LRRFIP2: variants seen among roughly 807,000 people sequenced by gnomAD.
LRRFIP2 encodes leucine-rich repeat flightless-interacting protein 2.
Under a neutral mutation model 125.9 loss-of-function variants are expected in LRRFIP2, and 109 were observed. The observed-to-expected ratio is 0.87, with a 90% confidence interval of 0.74 to 1.01. The LOEUF (loss-of-function observed/expected upper bound fraction) is 1.01. Among genes scored for constraint, LRRFIP2 ranks in the 50% least tolerant of loss-of-function variants. The pLI is 0.00. For synonymous variants in LRRFIP2, 291 were observed against 293.1 expected (o/e 0.99, Z 0.07); for missense variants, 850 against 862.3 (o/e 0.99, Z 0.18).
chr3:37,063,876 CTAA>C (rs1375238696), intron 23 of LRRFIP2, 85 bp from the exon 24 acceptor site: 2 of 861,450 alleles, frequency 2.3e-6, no homozygotes, highest in African/African-American at 3.4e-5. Context: ...TCATAAACAG[CTAA>C]TATTATCTGA....
chr3:37,108,234 TA>T, intron 12 of LRRFIP2, 105 bp from the exon 13 acceptor site: 2 of 841,938 alleles, frequency 2.4e-6, no homozygotes, highest in East Asian at 2.6e-5. Context: ...GTTCTCAAGA[TA>T]AAGGTAACTG....
chr3:37,127,975 G>GC (rs2095328612), intron 3 of LRRFIP2, among the ~76,000 whole-genome samples: 4 of 152,052 alleles, frequency 2.6e-5, no homozygotes, highest in Admixed American at 2.6e-4. Context: ...AGGCTGGAAT[G>GC]CAGTGGTGCC....
chr3:37,081,748 C>T (rs984466303), intron 19 of LRRFIP2, among the ~76,000 whole-genome samples: 12 of 151,706 alleles, frequency 7.9e-5, no homozygotes, highest in South Asian at 6.2e-4. Context: ...ATTAGCCAGG[C>T]GTGGTGGTAC....
intron 15 of LRRFIP2, among the ~76,000 whole-genome samples, chr3:37,100,458 A>G (rs960689527): frequency 1.3e-5 from 2 of 152,096 alleles, no homozygotes; most frequent in Non-Finnish European, 2.9e-5. Context: ...CTGTGTGTGT[A>G]TACACAAATA....
intron 18 of LRRFIP2, among the ~76,000 whole-genome samples, 172 bp downstream of exon 18, chr3:37,091,295 T>C (rs1485167342): frequency 6.6e-6 from 1 of 152,108 alleles, no homozygotes; most frequent in Non-Finnish European, 1.5e-5. Context: ...CATTTAAACA[T>C]AAGCAGAGAT....
chr3:37,112,868 C>G (rs778224315), intron 8 of LRRFIP2, 47 bp downstream of exon 8: 1 of 1,094,752 alleles, frequency 9.1e-7, no homozygotes, highest in East Asian at 2.4e-5. Flanking sequence ...TCCTTAAGTT[C>G]CTAACAGTAC....
At chr3:37,058,692 G>C in intron 25 of LRRFIP2, 98 bp downstream of exon 25, 1 of 1,007,214 alleles carries the variant, frequency 9.9e-7, no homozygotes, top group Non-Finnish European at 1.4e-6. Flanking sequence ...AAAAAAAAAA[G>C]AAAAGTGTAT....
chr3:37,091,378 G>T, intron 18 of LRRFIP2, 89 bp downstream of exon 18: 2 of 918,416 alleles, frequency 2.2e-6, no homozygotes, highest in Non-Finnish European at 3.4e-6. Context: ...GTAAAGCTAT[G>T]TGCAGTTGGT....
At chr3:37,059,642 T>C (rs1039803270) in intron 24 of LRRFIP2, among the ~76,000 whole-genome samples, 2 of 151,774 alleles carry the variant, frequency 1.3e-5, no homozygotes, top group African/African-American at 4.8e-5. Context: ...CAAAAATTAG[T>C]GGGGCATGGT....
chr3:37,084,166 T>C (rs933671571), intron 18 of LRRFIP2, among the ~76,000 whole-genome samples: 4 of 152,166 alleles, frequency 2.6e-5, no homozygotes, highest in African/African-American at 9.7e-5. Flanking sequence ...CAGACTGGTG[T>C]TCAGAACGCA....
chr3:37,066,425 A>AT lies in LRRFIP2; in HGVS notation c.1465-101dup, dbSNP rs1302646653. On this transcript the variant is annotated intron_variant, in intron 21 of 27. Coordinates refer to ENST00000336686, the MANE Select transcript of LRRFIP2 (RefSeq NM_006309.4). ...AATTCAAATAAGCAAAGATAAAGGCATAAAAAGCAAGAAAGCAGTCAAAAG... is the reference window on the plus strand; with the variant it reads ...AATTCAAATAAGCAAAGATAAAGGCATTAAAAAGCAAGAAAGCAGTCAAAAG... 3 of 911,840 alleles carry AT rather than the reference A, an allele frequency of 3.3e-6. No homozygotes were observed. The East Asian group carries it at 7.3e-5, about 22-fold the overall frequency. The allele number at this position is 911,840 out of a possible 1,614,324, so 56.5% of individuals were successfully genotyped here. A position where few individuals can be genotyped will look rare whatever the true frequency, so the allele number is the denominator to read the frequency against.
At chr3:37,069,952 A>G (rs1210361161) in intron 21 of LRRFIP2, among the ~76,000 whole-genome samples, 3 of 152,160 alleles carry the variant, frequency 2.0e-5, no homozygotes, top group Admixed American at 2.0e-4. Flanking sequence ...ATGACTATAA[A>G]AAGGCAAGAG....
At chr3:37,166,710 T>C (rs778614721) in intron 1 of LRRFIP2, among the ~76,000 whole-genome samples, 1 of 141,028 alleles carries the variant, frequency 7.1e-6, no homozygotes, top group Non-Finnish European at 1.6e-5. Flanking sequence ...CTGGGCAACA[T>C]GTCTCTACAA....
At chr3:37,087,880 G>A (rs894729889) in intron 18 of LRRFIP2, among the ~76,000 whole-genome samples, 2 of 152,156 alleles carry the variant, frequency 1.3e-5, no homozygotes, top group Non-Finnish European at 2.9e-5. Context: ...GTAAGCCACC[G>A]TGCCCAGCCT....
intron 8 of LRRFIP2, among the ~76,000 whole-genome samples, chr3:37,112,643 T>C (rs1361566661): frequency 7.9e-5 from 12 of 152,220 alleles, no homozygotes; most frequent in Admixed American, 7.9e-4. Context: ...ACTAAACCTA[T>C]TCTTGAGGTA....
chr3:37,066,049 G>C (rs891363806), intron 22 of LRRFIP2, 107 bp from the exon 23 acceptor site: 1 of 1,470,342 alleles, frequency 6.8e-7, no homozygotes, highest in South Asian at 1.2e-5. Flanking sequence ...AACCTGGTTA[G>C]AATCAGTTAC....
chr3:37,070,506 T>C (rs929716785), intron 21 of LRRFIP2, among the ~76,000 whole-genome samples: 1 of 151,112 alleles, frequency 6.6e-6, no homozygotes, highest in East Asian at 2.0e-4. Flanking sequence ...AAGGCCGAGG[T>C]GGGTGGATCA....
rs1452032992 is a variant in LRRFIP2 at position 37,125,265 on chromosome 3, G to C, written c.228+2365C>G. Among the ~76,000 whole-genome samples the C allele has an allele frequency of 3.3e-5, 5 of 152,206 alleles. No homozygotes were observed. The East Asian group carries it at 7.7e-4, about 23-fold the overall frequency. On this transcript the variant is annotated intron_variant, in intron 4 of 27. Coordinates refer to ENST00000336686, the MANE Select transcript of LRRFIP2 (RefSeq NM_006309.4). ...AAGTCATTCCTTCAGTTTCAAATTA[G>C]AAGGAACTTCAAAAACCGTATTTAC...
intron 1 of LRRFIP2, among the ~76,000 whole-genome samples, chr3:37,165,991 T>C (rs2096481391): frequency 6.6e-6 from 1 of 152,058 alleles, no homozygotes; most frequent in South Asian, 2.1e-4. Context: ...TTCTTGGACA[T>C]AATACCAAAA....
Sources: allele counts gnomAD v4.1 joint callset (sites outside exome capture counted in the v4.1 genomes callset), GRCh38; gene constraint gnomAD v4.1.1; transcripts MANE v1.5; gene names NCBI Gene and HGNC (gene_info 2026-07-23, HGNC 2026-07-21).